The following COQ7 variants were observed in gnomAD, a reference collection of about 807,000 sequenced individuals.
COQ7 encodes the protein NADPH-dependent 3-demethoxyubiquinone 3-hydroxylase, mitochondrial.
Under a neutral mutation model 25.0 loss-of-function variants are expected in COQ7, and 21 were observed. The observed-to-expected ratio is 0.84, with a 90% CI of 0.60 to 1.21. The LOEUF is 1.21. Among genes scored for constraint, COQ7 ranks in the 50% most tolerant of loss-of-function variants. The pLI is 0.00. For missense variants in COQ7, 311 were observed against 296.2 expected (o/e 1.05, Z -0.37); for synonymous variants, 125 against 112.4 (o/e 1.11, Z -0.71).
At chr16:19,077,602 T>TTTTTTTTTTTTTTTTTTTTTG (rs1383551592) in intron 5 of COQ7, among the ~76,000 whole-genome samples, 1 of 140,272 alleles carries the variant, frequency 7.1e-6, no homozygotes. Context: ...TTTTTTTTTT[T>TTTTTTTTTTTTTTTTTTTTTG]TTCCCAGACA....
At chr16:19,067,792 T>G (rs1041630032) in intron 1 of COQ7, 55 bp downstream of exon 1, 20 of 1,574,826 alleles carry the variant, frequency 1.3e-5, no homozygotes, top group Non-Finnish European at 1.7e-5. Flanking sequence ...CTAGGGAATT[T>G]TCGCTTGAGG....
In COQ7 at chr16:19,079,801, A is replaced by G. The variant is rs1301256490; in HGVS notation, c.*1643A>G. ...AGGGTCTGGCTTTGAAGGGTAGTGG[A>G]CACCAGGATCCTTTGGATTAATCCT... On this transcript the variant is annotated 3_prime_UTR_variant, in exon 6 of 6. Coordinates refer to ENST00000321998, the MANE Select transcript of COQ7 (RefSeq NM_016138.5). 6.6e-6 allele frequency: 1 copy of G among 152,232 alleles called. No homozygotes were observed. The highest frequency in any genetic ancestry group is 1.5e-5 in the Non-Finnish European group (1 of 68,042). The allele number at this position is 152,232 out of a possible 1,614,324, so 9.4% of individuals were successfully genotyped here.
downstream of COQ7, among the ~76,000 whole-genome samples, chr16:19,081,196 A>G (rs1567544594): frequency 1.3e-5 from 2 of 152,156 alleles, no homozygotes. Flanking sequence ...TTTGGAGTGT[A>G]TTTGTTCCTC....
At chr16:19,072,341 G>A (rs2142372520) in intron 2 of COQ7, 1 of 529,852 alleles carries the variant, frequency 1.9e-6, no homozygotes, top group Non-Finnish European at 3.4e-6. Flanking sequence ...TTTGGTATCA[G>A]TACTCCATGG....
At position 19,075,879 on chromosome 16, in the gene COQ7, G is replaced by C. The variant is rs1962812780; in HGVS notation, c.507+19G>C. Reference sequence around the variant, plus strand: ...TCTTCAGGTATTTATCCGTGCTCTAGAACGGGGCTGCTCAAGGAGGAAAAT... The same window carrying C: ...TCTTCAGGTATTTATCCGTGCTCTACAACGGGGCTGCTCAAGGAGGAAAAT... On this transcript the variant is annotated intron_variant, in intron 4 of 5. Transcript: ENST00000321998. The C allele has an allele frequency of 6.2e-7, 1 of 1,614,086 alleles. No homozygotes were observed. The highest frequency in any genetic ancestry group is 1.3e-5 in the African/African-American group (1 of 75,050).
At chr16:19,071,658 C>G (rs1214783407) in intron 1 of COQ7, 1 of 450,968 alleles carries the variant, frequency 2.2e-6, no homozygotes, top group East Asian at 4.4e-5. Flanking sequence ...CCATGCTCAT[C>G]TAGAAGCGGT....
Position 19,078,112 on chromosome 16 carries a change from T to C in COQ7, c.608T>C (p.Ile203Thr). 6.2e-7 allele frequency: 1 copy of C among 1,612,602 alleles called. No individual in the cohort carries two copies. Among genetic ancestry groups the C allele is most frequent in the Admixed American group, 1.7e-5 (1 of 59,758 alleles). The change falls in exon 6 of 6, where the codon ATC becomes ACC. Residue 203 changes from isoleucine (I) to threonine (T), a missense_variant. Coordinates refer to ENST00000321998, the MANE Select transcript of COQ7 (RefSeq NM_016138.5). ...APAYAVLKSI[I>T]QAGCRVAIYL... Reference sequence around the variant, plus strand: ...GCCTATGCCGTCCTGAAGAGCATTATCCAGGCCGGATGCAGAGTGGCGATA... The same window carrying C: ...GCCTATGCCGTCCTGAAGAGCATTACCCAGGCCGGATGCAGAGTGGCGATA...
intron 5 of COQ7, among the ~76,000 whole-genome samples, 190 bp from the exon 6 acceptor site, chr16:19,077,881 ATCTGGATGAC>A (rs1962942179): frequency 6.6e-6 from 1 of 152,216 alleles, no homozygotes; most frequent in African/African-American, 2.4e-5. Context: ...TCCTGTGAGA[ATCTGGATGAC>A]TCCAATGCTT....
chr16:19,068,637 G>C (rs548937594), intron 1 of COQ7: 75 of 256,666 alleles, frequency 2.9e-4, no homozygotes, highest in South Asian at 2.6e-3. Flanking sequence ...GGGCGTCAGA[G>C]CGAGACTTTG....
In COQ7 at chr16:19,079,273, G is replaced by A. The variant is rs1412153615; in HGVS notation, c.*1115G>A. ...GATGTTTATAAGCCACCCAGACTGTGGTATTTTGTTATAGCAGCCTGAACA... is the reference window on the plus strand; with the variant it reads ...GATGTTTATAAGCCACCCAGACTGTAGTATTTTGTTATAGCAGCCTGAACA... On this transcript the variant is annotated 3_prime_UTR_variant, in exon 6 of 6. Transcript: ENST00000321998. 6.6e-6 allele frequency: 1 copy of A among 152,044 alleles called. No homozygotes were observed. Among genetic ancestry groups the A allele is most frequent in the Non-Finnish European group, 1.5e-5 (1 of 68,018 alleles). 9.4% of individuals were successfully genotyped at this position (152,044 alleles called of 1,614,324 possible).
At chr16:19,077,875 G>A (rs1400579801) in intron 5 of COQ7, among the ~76,000 whole-genome samples, 7 of 152,026 alleles carry the variant, frequency 4.6e-5, no homozygotes, top group Non-Finnish European at 8.8e-5. Context: ...TTCCTTTCCT[G>A]TGAGAATCTG....
rs569595809 is a variant in COQ7, at chr16:19,068,756, T to C, written c.73+1019T>C. 2.3e-4 allele frequency: 83 copies of C among 360,358 alleles called. 1 individual carries two copies. The highest frequency in any genetic ancestry group is 1.7e-3 in the South Asian group (83 of 48,344). 22.3% of individuals were successfully genotyped at this position (360,358 alleles called of 1,614,324 possible). A position where few individuals can be genotyped will look rare whatever the true frequency, so the allele number is the denominator to read the frequency against. On this transcript the variant is annotated intron_variant, in intron 1 of 5. Transcript: ENST00000321998. Reference sequence around the variant, plus strand: ...GATTTTTGCCTAATGGCAGTACTGCTTGAACTTTTGATTACTAGATGTGTT... The same window carrying C: ...GATTTTTGCCTAATGGCAGTACTGCCTGAACTTTTGATTACTAGATGTGTT...
chr16:19,081,686 A>C (rs936989645), downstream of COQ7, among the ~76,000 whole-genome samples: 1 of 152,242 alleles, frequency 6.6e-6, no homozygotes, highest in African/African-American at 2.4e-5. Flanking sequence ...TTATGCAAAT[A>C]ATCAGGCCAA....
chr16:19,069,866 CT>C (rs769630617), intron 1 of COQ7, among the ~76,000 whole-genome samples: 8 of 152,084 alleles, frequency 5.3e-5, no homozygotes, highest in Non-Finnish European at 1.0e-4. Context: ...TCACTGCAGC[CT>C]TTGCCTACTG....
intron 2 of COQ7, among the ~76,000 whole-genome samples, chr16:19,072,640 C>G (rs899215268): frequency 2.0e-5 from 3 of 152,140 alleles, no homozygotes; most frequent in African/African-American, 7.2e-5. Flanking sequence ...CGGGTCTGGC[C>G]CATAAAGGTC....
downstream of COQ7, among the ~76,000 whole-genome samples, chr16:19,083,025 A>C (rs1316360500): frequency 6.6e-6 from 1 of 152,112 alleles, no homozygotes; most frequent in Admixed American, 6.6e-5. Flanking sequence ...AATGTTCTAG[A>C]ATCGGTGATA....
intron 1 of COQ7, 96 bp downstream of exon 1, chr16:19,067,833 T>C: frequency 6.5e-7 from 1 of 1,528,676 alleles, no homozygotes; most frequent in Non-Finnish European, 8.7e-7. Flanking sequence ...GGGGAGAGGT[T>C]CGTAACGTCA....
At chr16:19,074,563 A>G (rs1055944561) in intron 3 of COQ7, among the ~76,000 whole-genome samples, 2 of 151,888 alleles carry the variant, frequency 1.3e-5, no homozygotes, top group Non-Finnish European at 2.9e-5. Flanking sequence ...AACAAACCAG[A>G]GCCAGGGTCT....
intron 1 of COQ7, among the ~76,000 whole-genome samples, chr16:19,069,602 G>A (rs1428377582): frequency 6.6e-6 from 1 of 151,808 alleles, no homozygotes; most frequent in African/African-American, 2.4e-5. Context: ...GTAGAGACGG[G>A]GTTTCGCCAT....
Sources: gnomAD v4.1 joint callset for allele counts (sites outside exome capture counted in the v4.1 genomes callset) on GRCh38, gnomAD v4.1.1 for gene constraint, MANE v1.5 for transcripts, NCBI Gene and HGNC (gene_info 2026-07-23, HGNC 2026-07-21) for gene names.